SHISAL1: variants seen among roughly 807,000 people sequenced by gnomAD.
The protein encoded by SHISAL1 is protein shisa-like-1.
Under a neutral mutation model 22.6 loss-of-function variants are expected in SHISAL1, and 9 were observed. The ratio of observed to expected loss-of-function variants is 0.40; its 90% CI spans 0.24 to 0.70. The LOEUF (loss-of-function observed/expected upper bound fraction) is 0.70. Ranked by LOEUF, SHISAL1 falls within the 30% of genes least tolerant of loss-of-function variation. The probability of loss-of-function intolerance (pLI) is 0.39; values close to 1 mark genes in which losing one functional copy is unlikely to be tolerated. For synonymous variants in SHISAL1, 119 were observed against 115.4 expected, an observed-to-expected ratio of 1.03 and a Z score of -0.20; for missense variants, 246 against 270.6, an observed-to-expected ratio of 0.91 and a Z score of 0.64.
chr22:44,245,261 A>G lies in SHISAL1; in HGVS notation c.*4424T>C, dbSNP rs1374121926. 1 of 152,234 alleles carries G rather than the reference A, an allele frequency of 6.6e-6. No homozygotes were observed. The highest frequency in any genetic ancestry group is 1.5e-5 in the Non-Finnish European group (1 of 68,052). 9.4% of individuals were successfully genotyped at this position (152,234 alleles called of 1,614,324 possible). A position where few individuals can be genotyped will look rare whatever the true frequency, so the allele number is the denominator to read the frequency against. On this transcript the variant is annotated 3_prime_UTR_variant, in exon 5 of 5. Transcript: ENST00000381176. Reference sequence around the variant, plus strand: ...CCCTACAGTGATAGGGGGCCCTTCAACATTGATAAGACATGTTCCCAATAA... The same window carrying G: ...CCCTACAGTGATAGGGGGCCCTTCAGCATTGATAAGACATGTTCCCAATAA...
At chr22:44,294,908 T>C (rs1188917987) in intron 3 of SHISAL1, among the ~76,000 whole-genome samples, 2 of 152,226 alleles carry the variant, frequency 1.3e-5, no homozygotes, top group Non-Finnish European at 2.9e-5. Context: ...AATATCTATA[T>C]GAAGAAAACT....
At chr22:44,316,433 C>A (rs1217416606), upstream of SHISAL1, among the ~76,000 whole-genome samples, 1 of 152,066 alleles carries the variant, frequency 6.6e-6, no homozygotes, top group African/African-American at 2.4e-5. Context: ...AAAGGATTTG[C>A]ATCTCTCCCA....
chr22:44,282,007 T>C (rs1016169781), intron 4 of SHISAL1, among the ~76,000 whole-genome samples: 1 of 152,182 alleles, frequency 6.6e-6, no homozygotes, highest in Non-Finnish European at 1.5e-5. Flanking sequence ...TTATGATTGA[T>C]GGAGTGCGTG....
At chr22:44,281,948 C>T (rs1395320982) in intron 4 of SHISAL1, among the ~76,000 whole-genome samples, 2 of 152,338 alleles carry the variant, frequency 1.3e-5, no homozygotes, top group Admixed American at 1.3e-4. Context: ...CCACGCGATT[C>T]GGCAGCACTT....
intron 4 of SHISAL1, among the ~76,000 whole-genome samples, chr22:44,274,055 C>G (rs970052250): frequency 6.7e-6 from 1 of 148,692 alleles, no homozygotes; most frequent in East Asian, 2.0e-4. Flanking sequence ...CCCGGCCCCC[C>G]CCTCCCCCCC....
chr22:44,285,371 C>T (rs1324720189), intron 4 of SHISAL1, 57 bp downstream of exon 4: 14 of 1,557,656 alleles, frequency 9.0e-6, no homozygotes, highest in African/African-American at 1.4e-5. Flanking sequence ...GCGTATTCTC[C>T]AAGCTCTCCA....
intron 4 of SHISAL1, among the ~76,000 whole-genome samples, chr22:44,255,377 T>G (rs1052539690): frequency 6.6e-6 from 1 of 152,094 alleles, no homozygotes; most frequent in Non-Finnish European, 1.5e-5. Context: ...CCAACCTTCC[T>G]CCTCCACCTA....
the SHISAL1 span, among the ~76,000 whole-genome samples, chr22:44,326,617 T>C: frequency 2.6e-5 from 4 of 152,158 alleles, no homozygotes; most frequent in African/African-American, 4.8e-5. Flanking sequence ...TATTTCTTAA[T>C]TTCTGGAGGC....
At chr22:44,283,184 C>T (rs774418469) in intron 4 of SHISAL1, among the ~76,000 whole-genome samples, 1 of 152,206 alleles carries the variant, frequency 6.6e-6, no homozygotes, top group Non-Finnish European at 1.5e-5. Context: ...ATTCCCTTAT[C>T]CTGCACCACA....
At chr22:44,279,264 C>T (rs2055260609) in intron 4 of SHISAL1, among the ~76,000 whole-genome samples, 1 of 152,190 alleles carries the variant, frequency 6.6e-6, no homozygotes, top group African/African-American at 2.4e-5. Flanking sequence ...AGGGGACAGC[C>T]CAGTTTCCTG....
intron 4 of SHISAL1, among the ~76,000 whole-genome samples, chr22:44,263,281 G>T (rs953434951): frequency 1.3e-5 from 2 of 151,948 alleles, no homozygotes; most frequent in African/African-American, 4.8e-5. Flanking sequence ...ATGTTGGCTA[G>T]GCTGGTCTCG....
In SHISAL1 at chr22:44,248,764, G is replaced by C. The variant is rs1413673559; in HGVS notation, c.*921C>G. On this transcript the variant is annotated 3_prime_UTR_variant, in exon 5 of 5. Transcript: ENST00000381176. ...AGGCGGTGATGGTGGAGGCATCAAG[G>C]AGATGCTCCCAGCATTGTGCAGGGT... is the stretch of plus-strand genomic sequence containing the variant. The C allele has an allele frequency of 6.6e-6, 1 of 152,204 alleles. No homozygotes were observed. The highest frequency in any genetic ancestry group is 1.5e-5 in the Non-Finnish European group (1 of 68,058). 9.4% of individuals were successfully genotyped at this position (152,204 alleles called of 1,614,324 possible). A position where few individuals can be genotyped will look rare whatever the true frequency, so the allele number is the denominator to read the frequency against.
At chr22:44,275,004 G>A (rs1469440182) in intron 4 of SHISAL1, among the ~76,000 whole-genome samples, 7 of 152,224 alleles carry the variant, frequency 4.6e-5, no homozygotes, top group South Asian at 4.1e-4. Flanking sequence ...CCACTGGCCC[G>A]TAGACAGGAT....
intron 1 of SHISAL1, among the ~76,000 whole-genome samples, chr22:44,311,445 C>T (rs1214926131): frequency 1.3e-5 from 2 of 152,238 alleles, no homozygotes. Flanking sequence ...ACACCTTTCC[C>T]TGCTGAATCC....
rs1391456892 is a variant in SHISAL1 at position 44,244,444 on chromosome 22, A to C, written c.*5241T>G. The C allele has an allele frequency of 1.3e-5, 2 of 152,204 alleles. No homozygotes were observed. Among genetic ancestry groups the C allele is most frequent in the Non-Finnish European group, 2.9e-5 (2 of 68,052 alleles). 9.4% of individuals were successfully genotyped at this position (152,204 alleles called of 1,614,324 possible). On this transcript the variant is annotated 3_prime_UTR_variant, in exon 5 of 5. Transcript: ENST00000381176. ...GAACCCTGCAGCAGCCCCGGATTTCAGTCTGTCAAGGGCAAATCTGTCAGG... is the reference window on the plus strand; with the variant it reads ...GAACCCTGCAGCAGCCCCGGATTTCCGTCTGTCAAGGGCAAATCTGTCAGG...
intron 4 of SHISAL1, among the ~76,000 whole-genome samples, chr22:44,261,081 A>ATG (rs1164481041): frequency 3.0e-5 from 4 of 134,612 alleles, no homozygotes; most frequent in Non-Finnish European, 4.7e-5. Flanking sequence ...ATTACTTTAT[A>ATG]TATATATATA....
rs180847125 is a variant in SHISAL1, at chr22:44,302,471, G to A, written c.-32-1494C>T. ...TAAAACAAGGCGTGTCTGGGGAGTG[G>A]TGCCGAGAATGGTGATGGGGGAGCT... On this transcript the variant is annotated intron_variant, in intron 1 of 4. Transcript: ENST00000381176. Among the ~76,000 whole-genome samples the A allele has an allele frequency of 3.1e-3, 468 of 152,362 alleles. 2 individuals carry two copies. Among genetic ancestry groups the A allele is most frequent in the African/African-American group, 9.2e-3 (381 of 41,584 alleles).
the SHISAL1 span, among the ~76,000 whole-genome samples, chr22:44,329,061 G>A: frequency 1.3e-5 from 2 of 152,170 alleles, no homozygotes; most frequent in East Asian, 1.9e-4. Flanking sequence ...CCTACCGCAC[G>A]TGCACTTCCC....
intron 4 of SHISAL1, among the ~76,000 whole-genome samples, chr22:44,261,797 G>A (rs1364515540): frequency 2.0e-5 from 3 of 152,270 alleles, no homozygotes; most frequent in Non-Finnish European, 1.5e-5. Context: ...CTGCCACGGA[G>A]AGCACTCGCC....
Sources: gnomAD v4.1 joint callset for allele counts (sites outside exome capture counted in the v4.1 genomes callset) on GRCh38, gnomAD v4.1.1 for gene constraint, MANE v1.5 for transcripts, NCBI Gene and HGNC (gene_info 2026-07-23, HGNC 2026-07-21) for gene names.